The following CSMD1 variants were observed in gnomAD, a reference collection of about 807,000 sequenced individuals.
The protein encoded by CSMD1 is CUB and sushi domain-containing protein 1.
Under a neutral mutation model 417.5 loss-of-function variants are expected in CSMD1, and 213 were observed. The observed-to-expected ratio is 0.51, with a 90% CI of 0.46 to 0.57. The LOEUF (loss-of-function observed/expected upper bound fraction) is 0.57, where lower values mean the gene tolerates loss of function less well. Among genes scored for constraint, CSMD1 ranks in the 20% least tolerant of loss-of-function variants. The probability of loss-of-function intolerance (pLI) is 0.00; values close to 1 mark genes in which losing one functional copy is unlikely to be tolerated. For synonymous variants in CSMD1, 2,862 were observed against 1,736.8 expected (o/e 1.65, Z -16.11); for missense variants, 6,923 against 4,529.7 (o/e 1.53, Z -15.17).
chr8:4,684,431 T>A (rs1806239201), intron 1 of CSMD1, among the ~76,000 whole-genome samples: 1 of 152,190 alleles, frequency 6.6e-6, no homozygotes. Flanking sequence ...CATCTTGCTT[T>A]TTGAAATGGA....
chr8:4,036,581 G>T (rs963507954), intron 3 of CSMD1, among the ~76,000 whole-genome samples: 65 of 152,248 alleles, frequency 4.3e-4, no homozygotes, highest in African/African-American at 1.4e-3. Context: ...TTTAGGAAAG[G>T]TATTTTTAAT....
chr8:4,443,686 T>C (rs1272465070), intron 2 of CSMD1, among the ~76,000 whole-genome samples: 1 of 152,214 alleles, frequency 6.6e-6, no homozygotes, highest in Non-Finnish European at 1.5e-5. Context: ...CATTCAATCC[T>C]GCAATTCCCA....
chr8:3,692,443 T>C (rs2623600), intron 7 of CSMD1, among the ~76,000 whole-genome samples: 143,943 of 151,868 alleles, frequency 0.95, 68,301 homozygotes, highest in East Asian at 1. Flanking sequence ...ACTTTAACAA[T>C]AATTTTTTTT....
intron 2 of CSMD1, among the ~76,000 whole-genome samples, chr8:4,636,513 C>G (rs1375557541): frequency 3.3e-5 from 5 of 152,138 alleles, no homozygotes; most frequent in African/African-American, 9.7e-5. Flanking sequence ...TCTCTGACAA[C>G]ATAAGGGTTC....
intron 5 of CSMD1, among the ~76,000 whole-genome samples, chr8:3,814,238 G>A (rs1801247962): frequency 6.6e-6 from 1 of 152,134 alleles, no homozygotes; most frequent in Non-Finnish European, 1.5e-5. Context: ...ATTCTGAATA[G>A]AAATGCGATC....
At chr8:4,124,626 C>A (rs1411429721) in intron 3 of CSMD1, among the ~76,000 whole-genome samples, 1 of 152,138 alleles carries the variant, frequency 6.6e-6, no homozygotes, top group Non-Finnish European at 1.5e-5. Flanking sequence ...AGCCAGACCT[C>A]ACTGGCAAGG....
At chr8:4,089,029 C>T (rs950349408) in intron 3 of CSMD1, among the ~76,000 whole-genome samples, 3 of 152,202 alleles carry the variant, frequency 2.0e-5, no homozygotes, top group Non-Finnish European at 2.9e-5. Context: ...AAAACTTATT[C>T]TTGTAGAGAA....
At chr8:3,162,109 A>C (rs1819932773) in intron 38 of CSMD1, 50 bp downstream of exon 38, 1 of 1,220,124 alleles carries the variant, frequency 8.2e-7, no homozygotes, top group Non-Finnish European at 1.2e-6. Context: ...AGAGAGCTGC[A>C]CAAAGATGAC....
intron 7 of CSMD1, among the ~76,000 whole-genome samples, chr8:3,635,401 T>C (rs980913514): frequency 8.6e-5 from 13 of 151,594 alleles, no homozygotes; most frequent in African/African-American, 2.9e-4. Flanking sequence ...TTGAACCCGG[T>C]TGAACCTGGG....
At chr8:4,185,565 T>G (rs1051844974) in intron 3 of CSMD1, among the ~76,000 whole-genome samples, 1 of 152,110 alleles carries the variant, frequency 6.6e-6, no homozygotes, top group African/African-American at 2.4e-5. Context: ...AACACACAAA[T>G]GGATCAAAAG....
chr8:3,630,221 G>C (rs530904364), intron 7 of CSMD1, among the ~76,000 whole-genome samples: 16 of 152,306 alleles, frequency 1.1e-4, no homozygotes, highest in Admixed American at 2.6e-4. Flanking sequence ...TTAATAGCTA[G>C]ATGGGGGAGC....
chr8:4,788,100 A>G (rs892063874), intron 1 of CSMD1: 85 of 1,603,634 alleles, frequency 5.3e-5, no homozygotes, highest in Non-Finnish European at 6.8e-5. Flanking sequence ...GAAATCAGAA[A>G]GTCAGTGCAG....
chr8:3,307,094 T>A (rs1236530185), intron 25 of CSMD1, among the ~76,000 whole-genome samples: 2 of 152,202 alleles, frequency 1.3e-5, no homozygotes, highest in Non-Finnish European at 1.5e-5. Flanking sequence ...AATATGACTT[T>A]GCTTCTCTTC....
At chr8:4,228,022 A>G (rs1801464320) in intron 3 of CSMD1, among the ~76,000 whole-genome samples, 1 of 151,084 alleles carries the variant, frequency 6.6e-6, no homozygotes, top group African/African-American at 2.4e-5. Flanking sequence ...CATACCCTCC[A>G]CCCCACATTA....
chr8:4,286,596 T>A (rs1010635345), intron 3 of CSMD1, among the ~76,000 whole-genome samples: 1 of 152,122 alleles, frequency 6.6e-6, no homozygotes, highest in Non-Finnish European at 1.5e-5. Context: ...GATAGCCTCA[T>A]CTATTAGGTT....
intron 3 of CSMD1, among the ~76,000 whole-genome samples, chr8:4,069,084 G>A (rs575549236): frequency 2.0e-5 from 3 of 152,106 alleles, no homozygotes; most frequent in Non-Finnish European, 4.4e-5. Context: ...AATTTTATTA[G>A]ACTTTGTCAT....
chr8:4,489,393 C>T (rs1407827020), intron 2 of CSMD1, among the ~76,000 whole-genome samples: 1 of 152,170 alleles, frequency 6.6e-6, no homozygotes, highest in East Asian at 1.9e-4. Context: ...GCAATCCCCA[C>T]CAAAACATTT....
chr8:3,120,664 T>C (rs1390254208), intron 41 of CSMD1, among the ~76,000 whole-genome samples: 1 of 150,794 alleles, frequency 6.6e-6, no homozygotes, highest in Non-Finnish European at 1.5e-5. Flanking sequence ...CTGAACAACA[T>C]GGTGAAACCC....
chr8:4,481,098 C>A (rs1033963949), intron 2 of CSMD1, among the ~76,000 whole-genome samples: 1 of 152,218 alleles, frequency 6.6e-6, no homozygotes, highest in Non-Finnish European at 1.5e-5. Flanking sequence ...ACTGCCTTTT[C>A]CACTCCAGCC....
Sources: allele counts gnomAD v4.1 joint callset (sites outside exome capture counted in the v4.1 genomes callset), GRCh38; gene constraint gnomAD v4.1.1; transcripts MANE v1.5; gene names NCBI Gene and HGNC (gene_info 2026-07-23, HGNC 2026-07-21).